The following NEK1 variants were observed in gnomAD, a reference collection of about 807,000 sequenced individuals.
NEK1 encodes the protein NIMA related kinase 1.
In NEK1, 137 loss-of-function variants were observed where a neutral mutation model predicts 182.1. The observed-to-expected ratio is 0.75, with a 90% confidence interval of 0.65 to 0.87. The LOEUF (loss-of-function observed/expected upper bound fraction) is 0.87. NEK1 is among the 40% of genes least tolerant of loss of function. NEK1 has a pLI of 0.00. For synonymous variants in NEK1, 513 were observed against 492.2 expected (o/e 1.04, Z -0.56); for missense variants, 1,391 against 1,494.4 (o/e 0.93, Z 1.14).
intron 19 of NEK1, among the ~76,000 whole-genome samples, chr4:169,527,154 G>T (rs74637106): frequency 0.066 from 10,005 of 152,164 alleles, 461 homozygotes; most frequent in East Asian, 0.17. Flanking sequence ...AGGATAGAAA[G>T]CCAGAAAGTA....
rs950893582 is a variant in NEK1 at position 169,583,446 on chromosome 4, T to C, written c.807+1903A>G. Among the ~76,000 whole-genome samples, 7 of 152,210 alleles carry C rather than the reference T, an allele frequency of 4.6e-5. No individual in the cohort carries two copies. The East Asian group carries it at 7.7e-4, about 17-fold the overall frequency. On this transcript the variant is annotated intron_variant, in intron 10 of 35. Transcript: ENST00000507142. The stretch of plus-strand genomic sequence containing the variant: ...TGAAGAATGAAATCTAAGTGGTGCT[T>C]AAATAGTAACAAGTAGGGTCTATGT...
intron 5 of NEK1, among the ~76,000 whole-genome samples, chr4:169,595,550 C>T (rs1436237809): frequency 6.6e-6 from 1 of 152,090 alleles, no homozygotes; most frequent in East Asian, 1.9e-4. Context: ...ATCAATTGTG[C>T]AACCAAGGCC....
At chr4:169,426,616 A>G (rs1400357987) in intron 29 of NEK1, among the ~76,000 whole-genome samples, 1 of 152,236 alleles carries the variant, frequency 6.6e-6, no homozygotes, top group Non-Finnish European at 1.5e-5. Context: ...TCCCGAAGTC[A>G]TTCTAATACA....
intron 12 of NEK1, among the ~76,000 whole-genome samples, chr4:169,573,506 T>A (rs1322685780): frequency 6.6e-6 from 1 of 151,998 alleles, no homozygotes; most frequent in Non-Finnish European, 1.5e-5. Context: ...AAGTGGAGAG[T>A]TGGATTTCAC....
At chr4:169,541,456 G>A (rs568872036) in intron 18 of NEK1, among the ~76,000 whole-genome samples, 41 of 152,214 alleles carry the variant, frequency 2.7e-4, no homozygotes, top group African/African-American at 9.9e-4. Flanking sequence ...AGACTGGTCA[G>A]AGTTACTGAT....
intron 26 of NEK1, among the ~76,000 whole-genome samples, chr4:169,468,914 T>C (rs1745418945): frequency 6.6e-6 from 1 of 152,342 alleles, no homozygotes; most frequent in South Asian, 2.1e-4. Context: ...ATAGAGGTGT[T>C]TATAGTATTC....
At chr4:169,496,528 T>C (rs1231798496) in intron 23 of NEK1, among the ~76,000 whole-genome samples, 1 of 151,490 alleles carries the variant, frequency 6.6e-6, no homozygotes, top group Non-Finnish European at 1.5e-5. Flanking sequence ...CAGTGTGATA[T>C]TGGCTGTGGG....
intron 5 of NEK1, among the ~76,000 whole-genome samples, chr4:169,598,011 T>C (rs547242482): frequency 6.2e-4 from 94 of 152,222 alleles, no homozygotes; most frequent in African/African-American, 2.1e-3. Flanking sequence ...AATGTATATA[T>C]GTACATGTGT....
At chr4:169,579,257 C>G (rs1017687987) in intron 11 of NEK1, among the ~76,000 whole-genome samples, 2 of 152,212 alleles carry the variant, frequency 1.3e-5, no homozygotes, top group African/African-American at 4.8e-5. Flanking sequence ...CAACCAAATG[C>G]TCTTACGACA....
intron 31 of NEK1, among the ~76,000 whole-genome samples, chr4:169,414,872 GT>G (rs1734268775): frequency 6.6e-6 from 1 of 152,184 alleles, no homozygotes. Context: ...GAACAAAAAA[GT>G]TTTCATGAAG....
At chr4:169,412,605 T>C (rs1056497689) in intron 31 of NEK1, among the ~76,000 whole-genome samples, 3 of 152,148 alleles carry the variant, frequency 2.0e-5, no homozygotes, top group African/African-American at 7.2e-5. Context: ...CAACCACATG[T>C]AAAAAGTCCC....
chr4:169,511,875 C>A (rs1395340128), intron 19 of NEK1, among the ~76,000 whole-genome samples: 1 of 152,066 alleles, frequency 6.6e-6, no homozygotes, highest in East Asian at 1.9e-4. Context: ...CCTTTTGAGA[C>A]TGAGTGTTTT....
chr4:169,530,779 T>C (rs531990881), intron 19 of NEK1, among the ~76,000 whole-genome samples: 1 of 151,636 alleles, frequency 6.6e-6, no homozygotes, highest in South Asian at 2.1e-4. Context: ...AATTGTTCTG[T>C]AACTTGATTG....
intron 5 of NEK1, among the ~76,000 whole-genome samples, 192 bp downstream of exon 5, chr4:169,598,908 A>G (rs1181374033): frequency 6.6e-6 from 1 of 152,218 alleles, no homozygotes; most frequent in Non-Finnish European, 1.5e-5. Flanking sequence ...ATCATTACAG[A>G]CTATAAATGA....
intron 19 of NEK1, among the ~76,000 whole-genome samples, chr4:169,521,377 GCA>G (rs964092003): frequency 5.8e-5 from 8 of 138,638 alleles, no homozygotes; most frequent in Non-Finnish European, 4.7e-5. Context: ...CGCACGGTGC[GCA>G]CACACACTGG....
chr4:169,486,590 T>C (rs891544191), intron 23 of NEK1, among the ~76,000 whole-genome samples: 1 of 152,228 alleles, frequency 6.6e-6, no homozygotes, highest in African/African-American at 2.4e-5. Context: ...CCAAATCTTA[T>C]CAAATTCATA....
intron 18 of NEK1, among the ~76,000 whole-genome samples, chr4:169,543,232 T>G (rs972854915): frequency 2.6e-5 from 4 of 152,200 alleles, no homozygotes; most frequent in Non-Finnish European, 4.4e-5. Flanking sequence ...CAACACCATT[T>G]ATTAAATAGG....
intron 31 of NEK1, among the ~76,000 whole-genome samples, chr4:169,422,576 T>C (rs1735673310): frequency 6.6e-6 from 1 of 152,178 alleles, no homozygotes; most frequent in Non-Finnish European, 1.5e-5. Flanking sequence ...TATCCCACCT[T>C]AGTAAACAGA....
chr4:169,545,689 T>C (rs1331786888), intron 18 of NEK1, among the ~76,000 whole-genome samples: 2 of 150,996 alleles, frequency 1.3e-5, no homozygotes, highest in African/African-American at 2.4e-5. Flanking sequence ...TGTTCCTATT[T>C]CTCCACATCC....
Sources: gnomAD v4.1 joint callset for allele counts (sites outside exome capture counted in the v4.1 genomes callset) on GRCh38, gnomAD v4.1.1 for gene constraint, MANE v1.5 for transcripts, NCBI Gene and HGNC (gene_info 2026-07-23, HGNC 2026-07-21) for gene names.